The following MAD1L1 variants were observed in gnomAD, a reference collection of about 807,000 sequenced individuals.
The protein encoded by MAD1L1 is mitotic arrest deficient 1 like 1, also known as mitotic spindle assembly checkpoint protein MAD1.
A neutral mutation model predicts 96.9 loss-of-function variants in MAD1L1; 95 were observed. That is an observed-to-expected ratio of 0.98 (90% CI 0.83 to 1.16). The LOEUF (loss-of-function observed/expected upper bound fraction) is 1.16, where lower values mean the gene tolerates loss of function less well. Ranked by LOEUF, MAD1L1 falls within the 50% of genes most tolerant of loss-of-function variation. MAD1L1 has a pLI of 0.00. For synonymous variants in MAD1L1, 473 were observed against 396.6 expected, an observed-to-expected ratio of 1.19 and a Z score of -2.29; for missense variants, 1,007 against 954.4, an observed-to-expected ratio of 1.06 and a Z score of -0.73.
chr7:2,152,953 T>C (rs1050527545), intron 10 of MAD1L1, among the ~76,000 whole-genome samples: 2 of 152,146 alleles, frequency 1.3e-5, no homozygotes, highest in South Asian at 2.1e-4. Flanking sequence ...TCAACCAGCA[T>C]GTTAAAAGTT....
Position 1,936,987 on chromosome 7 carries a change from GAC to G in MAD1L1, c.1597-92_1597-91del, listed in dbSNP as rs1472879507. 2.9e-6 allele frequency: 3 copies of G among 1,035,694 alleles called. No homozygotes were observed. In the African/African-American group the frequency reaches 4.7e-5, roughly 16 times the overall value. 64.2% of individuals were successfully genotyped at this position (1,035,694 alleles called of 1,614,324 possible). On this transcript the variant is annotated intron_variant, in intron 16 of 18. Transcript: ENST00000265854. The stretch of plus-strand genomic sequence containing the variant: ...AGCATGGGTCACCATGGCCCAGGAA[GAC>G]ACACAGCACGGGTCACACACAGCAC...
At chr7:1,889,662 G>A (rs1562494495) in intron 18 of MAD1L1, among the ~76,000 whole-genome samples, 2 of 152,254 alleles carry the variant, frequency 1.3e-5, no homozygotes, top group South Asian at 2.1e-4. Flanking sequence ...ACCCAGCCAG[G>A]CTCTTGGAGT....
Position 2,146,700 on chromosome 7 carries a change from C to G in MAD1L1, c.1073+2452G>C, listed in dbSNP as rs1647202584. 6.6e-6 allele frequency among the ~76,000 whole-genome samples: 1 copy of G among 152,242 alleles called. No homozygotes were observed. The highest frequency in any genetic ancestry group is 1.5e-5 in the Non-Finnish European group (1 of 68,024). Reference sequence around the variant, plus strand: ...TGACTTTAAAATGAGGCCCGCCTGGCAAAGCCCTCGGGGATCTGGGCCACC... The same window carrying G: ...TGACTTTAAAATGAGGCCCGCCTGGGAAAGCCCTCGGGGATCTGGGCCACC... On this transcript the variant is annotated intron_variant, in intron 11 of 18. Transcript: ENST00000265854. The surrounding 1 kb of genome is among the most constrained non-coding windows in gnomAD (Gnocchi z 6.2).
chr7:2,086,311 CACAGG>C (rs1292628703), intron 11 of MAD1L1, among the ~76,000 whole-genome samples: 1 of 152,262 alleles, frequency 6.6e-6, no homozygotes, highest in Non-Finnish European at 1.5e-5. Flanking sequence ...ATCACTGAAG[CACAGG>C]CACGCCCTCG....
chr7:1,924,591 T>G (rs1394588786), intron 17 of MAD1L1, among the ~76,000 whole-genome samples: 1 of 152,150 alleles, frequency 6.6e-6, no homozygotes, highest in Non-Finnish European at 1.5e-5. Context: ...AAGCAAACGC[T>G]GAGAGAACCT....
chr7:1,918,559 C>G (rs1259174763), intron 17 of MAD1L1, among the ~76,000 whole-genome samples: 5 of 152,210 alleles, frequency 3.3e-5, no homozygotes, highest in Admixed American at 1.3e-4. Flanking sequence ...GCGGGTGTGC[C>G]CAGCACAGAG....
At chr7:1,865,094 C>A (rs1784716841) in intron 18 of MAD1L1, among the ~76,000 whole-genome samples, 2 of 152,192 alleles carry the variant, frequency 1.3e-5, no homozygotes, top group African/African-American at 4.8e-5. Context: ...GCATCCCTGT[C>A]CCCAGTCTGC....
intron 18 of MAD1L1, among the ~76,000 whole-genome samples, chr7:1,826,718 G>A (rs1257638540): frequency 2.0e-5 from 3 of 152,256 alleles, no homozygotes; most frequent in African/African-American, 2.4e-5. Context: ...GAGAACAAAT[G>A]TCCCGGCATG....
intron 18 of MAD1L1, among the ~76,000 whole-genome samples, chr7:1,832,883 C>A (rs922327493): frequency 6.6e-6 from 1 of 152,114 alleles, no homozygotes; most frequent in African/African-American, 2.4e-5. Context: ...CCACTTGCCT[C>A]AGCCTCCCAA....
intron 10 of MAD1L1, among the ~76,000 whole-genome samples, chr7:2,171,439 G>A (rs1463611135): frequency 1.3e-5 from 2 of 152,220 alleles, no homozygotes; most frequent in Non-Finnish European, 2.9e-5. Flanking sequence ...GCGGATTACA[G>A]CAGGGCCACG....
At chr7:1,895,264 A>G (rs1237322951) in intron 18 of MAD1L1, among the ~76,000 whole-genome samples, 1 of 152,210 alleles carries the variant, frequency 6.6e-6, no homozygotes, top group Non-Finnish European at 1.5e-5. Context: ...CTTGGCAACC[A>G]TGATGGATGT....
At chr7:1,884,293 C>T (rs375066312) in intron 18 of MAD1L1, among the ~76,000 whole-genome samples, 5 of 152,230 alleles carry the variant, frequency 3.3e-5, no homozygotes, top group African/African-American at 1.2e-4. Flanking sequence ...GGCCACCCAC[C>T]CATGGATCTC....
intron 11 of MAD1L1, among the ~76,000 whole-genome samples, chr7:2,083,479 G>A (rs1308701064): frequency 1.3e-5 from 2 of 152,246 alleles, no homozygotes; most frequent in Admixed American, 1.3e-4. Context: ...GGAGGTGCGG[G>A]GTGAGTGCCC....
At chr7:2,012,592 G>A (rs57334815) in intron 13 of MAD1L1, among the ~76,000 whole-genome samples, 2,653 of 152,312 alleles carry the variant, frequency 0.017, 94 homozygotes, top group African/African-American at 0.061. Flanking sequence ...CCAGGAGCGG[G>A]AGGAAGGAGG....
At position 1,938,516 on chromosome 7, in the gene MAD1L1, T is replaced by C. The variant is rs1031214624; in HGVS notation, c.1597-1619A>G. On this transcript the variant is annotated intron_variant, in intron 16 of 18. Transcript: ENST00000265854. ...CAGGAGGTGCTGTTTGAAAATCACA[T>C]TTCTGAGAAAGGGTTCAGATCCAGA... 5.3e-5 allele frequency among the ~76,000 whole-genome samples: 8 copies of C among 152,206 alleles called. No homozygotes were observed. In the East Asian group the frequency reaches 1.5e-3, roughly 29 times the overall value.
chr7:1,849,749 C>G (rs1783859462), intron 18 of MAD1L1: 1 of 152,252 alleles, frequency 6.6e-6, no homozygotes, highest in Non-Finnish European at 1.5e-5. Context: ...TCAGCAGACG[C>G]CGGCTCTGGG....
At chr7:2,056,771 C>T (rs957119129) in intron 12 of MAD1L1, among the ~76,000 whole-genome samples, 17 of 152,202 alleles carry the variant, frequency 1.1e-4, no homozygotes, top group African/African-American at 3.9e-4. Flanking sequence ...TGTGGGGCCA[C>T]AGAAACCTAC....
chr7:1,903,628 G>C (rs1335399256), intron 17 of MAD1L1, among the ~76,000 whole-genome samples: 1 of 145,220 alleles, frequency 6.9e-6, no homozygotes, highest in Non-Finnish European at 1.5e-5. Flanking sequence ...CAGAACTCAT[G>C]ATTGATGAAG....
chr7:1,994,421 T>A (rs1400802146), intron 14 of MAD1L1, among the ~76,000 whole-genome samples: 2 of 151,916 alleles, frequency 1.3e-5, no homozygotes, highest in East Asian at 3.9e-4. Flanking sequence ...TGGAAGGGCG[T>A]GAGAAGATGT....
Sources: allele counts gnomAD v4.1 joint callset (sites outside exome capture counted in the v4.1 genomes callset), GRCh38; gene constraint gnomAD v4.1.1; non-coding constraint Gnocchi (gnomAD v3.1); transcripts MANE v1.5; gene names NCBI Gene and HGNC (gene_info 2026-07-23, HGNC 2026-07-21).